Variants in SCHIP1 observed in about 807,000 individuals in gnomAD.
SCHIP1 encodes the protein schwannomin-interacting protein 1.
Under a neutral mutation model 29.7 loss-of-function variants are expected in SCHIP1, and 8 were observed. The ratio of observed to expected loss-of-function variants is 0.27; its 90% CI spans 0.16 to 0.49. The LOEUF (loss-of-function observed/expected upper bound fraction) is 0.49. SCHIP1 is among the 20% of genes least tolerant of loss of function. The pLI is 0.99. For synonymous variants in SCHIP1, 76 were observed against 94.9 expected, an observed-to-expected ratio of 0.80 and a Z score of 1.16; for missense variants, 193 against 294.6, an observed-to-expected ratio of 0.66 and a Z score of 2.52.
At chr3:159,704,206 G>A in the SCHIP1 span, among the ~76,000 whole-genome samples, 9 of 151,932 alleles carry the variant, frequency 5.9e-5, no homozygotes, top group South Asian at 2.1e-4. Flanking sequence ...AGGCCAAGGC[G>A]GATGGATTGC....
chr3:159,438,957 G>T, the SCHIP1 span, among the ~76,000 whole-genome samples: 14 of 152,126 alleles, frequency 9.2e-5, no homozygotes, highest in Non-Finnish European at 1.8e-4. Context: ...ACACATGCAT[G>T]CATGTATTTT....
chr3:159,593,815 A>T, the SCHIP1 span, among the ~76,000 whole-genome samples: 1 of 152,238 alleles, frequency 6.6e-6, no homozygotes, highest in Non-Finnish European at 1.5e-5. Flanking sequence ...TGCATAGATC[A>T]TGCTACTGCA....
intron 2 of SCHIP1, among the ~76,000 whole-genome samples, chr3:159,879,946 G>A (rs2109371643): frequency 6.6e-6 from 1 of 152,282 alleles, no homozygotes; most frequent in Non-Finnish European, 1.5e-5. Context: ...TGGCCGGTGT[G>A]CTTACCAGCC....
At chr3:159,517,166 T>G in the SCHIP1 span, among the ~76,000 whole-genome samples, 8 of 152,144 alleles carry the variant, frequency 5.3e-5, no homozygotes. Flanking sequence ...TGTGGCAAAT[T>G]TTACTCTAAA....
the SCHIP1 span, among the ~76,000 whole-genome samples, chr3:159,690,022 G>A: frequency 4.1e-4 from 63 of 152,222 alleles, no homozygotes; most frequent in Admixed American, 1.6e-3. Flanking sequence ...GAGGATTTTC[G>A]CATAGATGTT....
At chr3:159,565,857 G>A in the SCHIP1 span, among the ~76,000 whole-genome samples, 1 of 152,020 alleles carries the variant, frequency 6.6e-6, no homozygotes, top group Non-Finnish European at 1.5e-5. Context: ...TATATTCCCA[G>A]CATTCTTCAC....
the SCHIP1 span, among the ~76,000 whole-genome samples, chr3:159,366,008 G>T: frequency 6.6e-6 from 1 of 152,110 alleles, no homozygotes; most frequent in African/African-American, 2.4e-5. Flanking sequence ...CCCAAGACAG[G>T]GTTGTTGTTT....
At chr3:159,711,216 C>CTT in the SCHIP1 span, among the ~76,000 whole-genome samples, 9 of 81,584 alleles carry the variant, frequency 1.1e-4, no homozygotes, top group African/African-American at 7.8e-4. Flanking sequence ...AAAAAATTAG[C>CTT]CGGGCGTAGT....
At chr3:159,878,213 C>A (rs1158609514) in intron 2 of SCHIP1, among the ~76,000 whole-genome samples, 1 of 152,238 alleles carries the variant, frequency 6.6e-6, no homozygotes, top group African/African-American at 2.4e-5. Flanking sequence ...CGCAGTGACT[C>A]ATGCCTGTAA....
the SCHIP1 span, among the ~76,000 whole-genome samples, chr3:159,277,967 A>G: frequency 2.0e-5 from 3 of 152,108 alleles, no homozygotes; most frequent in Admixed American, 2.0e-4. Flanking sequence ...GGAATAAAGC[A>G]TTGAGCTTCT....
chr3:159,683,469 T>C, the SCHIP1 span, among the ~76,000 whole-genome samples: 41 of 152,288 alleles, frequency 2.7e-4, no homozygotes, highest in East Asian at 7.7e-3. Flanking sequence ...TAATATTCTT[T>C]CTCAGCTTCT....
chr3:159,326,104 C>A, the SCHIP1 span, among the ~76,000 whole-genome samples: 2 of 152,036 alleles, frequency 1.3e-5, no homozygotes, highest in Non-Finnish European at 2.9e-5. Context: ...CACTGAGACA[C>A]GGAGAGGCTA....
At chr3:159,670,834 T>C in the SCHIP1 span, among the ~76,000 whole-genome samples, 1 of 152,078 alleles carries the variant, frequency 6.6e-6, no homozygotes, top group East Asian at 1.9e-4. Context: ...TATATCCAGA[T>C]AGTGTTCTCC....
chr3:159,477,646 C>T, the SCHIP1 span, among the ~76,000 whole-genome samples: 2 of 152,046 alleles, frequency 1.3e-5, no homozygotes, highest in African/African-American at 4.8e-5. Flanking sequence ...TTTCTTCTTG[C>T]TATTGAATTC....
the SCHIP1 span, among the ~76,000 whole-genome samples, chr3:159,746,819 C>T: frequency 6.6e-6 from 1 of 152,166 alleles, no homozygotes; most frequent in Admixed American, 6.5e-5. Context: ...CATACTGTTC[C>T]CCCAAATTGG....
the SCHIP1 span, among the ~76,000 whole-genome samples, chr3:159,420,534 A>G: frequency 6.6e-6 from 1 of 152,222 alleles, no homozygotes. Flanking sequence ...TCATAAGTTA[A>G]TGATGTGAAT....
chr3:159,704,303 C>T, the SCHIP1 span, among the ~76,000 whole-genome samples: 1 of 151,194 alleles, frequency 6.6e-6, no homozygotes, highest in South Asian at 2.1e-4. Context: ...GGCATGGTGG[C>T]ATGCACCTAT....
At chr3:159,677,753 C>T in the SCHIP1 span, among the ~76,000 whole-genome samples, 1 of 152,154 alleles carries the variant, frequency 6.6e-6, no homozygotes, top group Non-Finnish European at 1.5e-5. Context: ...CTCTGCAAGA[C>T]CAGCTGAGCT....
the SCHIP1 span, among the ~76,000 whole-genome samples, chr3:159,769,887 A>T: frequency 2.2e-4 from 34 of 152,366 alleles, no homozygotes; most frequent in African/African-American, 7.0e-4. Flanking sequence ...CACACCTGTG[A>T]AACCATCATG....
Sources: allele counts gnomAD v4.1 joint callset (sites outside exome capture counted in the v4.1 genomes callset), GRCh38; gene constraint gnomAD v4.1.1; transcripts MANE v1.5; gene names NCBI Gene and HGNC (gene_info 2026-07-23, HGNC 2026-07-21).